GABRB2: variants seen among roughly 807,000 people sequenced by gnomAD.
GABRB2 encodes the protein gamma-aminobutyric acid receptor subunit beta-2.
GABRB2 carries 16 observed loss-of-function variants against 54.7 expected under a neutral mutation model. The observed-to-expected ratio is 0.29, with a 90% CI of 0.20 to 0.44. The LOEUF (loss-of-function observed/expected upper bound fraction) is 0.44, where lower values mean the gene tolerates loss of function less well. Ranked by LOEUF, GABRB2 falls within the 20% of genes least tolerant of loss-of-function variation. The pLI is 1.00. For missense variants in GABRB2, 355 were observed against 644.0 expected, an observed-to-expected ratio of 0.55 and a Z score of 4.86; for synonymous variants, 244 against 233.8, an observed-to-expected ratio of 1.04 and a Z score of -0.40.
chr5:161,345,712 C>G (rs1041425311), intron 5 of GABRB2, among the ~76,000 whole-genome samples: 2 of 152,062 alleles, frequency 1.3e-5, no homozygotes, highest in African/African-American at 4.8e-5. Flanking sequence ...CCACAGCACT[C>G]TAGTTGAATT....
chr5:161,331,956 G>A (rs1471528543), intron 7 of GABRB2, among the ~76,000 whole-genome samples: 1 of 151,910 alleles, frequency 6.6e-6, no homozygotes, highest in African/African-American at 2.4e-5. Flanking sequence ...ACGAGGTCAG[G>A]AGATCGAGAC....
intron 5 of GABRB2, among the ~76,000 whole-genome samples, chr5:161,406,885 G>C (rs957839913): frequency 1.3e-5 from 2 of 152,030 alleles, no homozygotes; most frequent in African/African-American, 4.8e-5. Flanking sequence ...TGCTGATAAA[G>C]TTTTATGTCT....
chr5:161,321,809 C>T (rs1401396401), intron 9 of GABRB2, among the ~76,000 whole-genome samples: 1 of 152,022 alleles, frequency 6.6e-6, no homozygotes, highest in Non-Finnish European at 1.5e-5. Context: ...GAGGAATATA[C>T]TAAGTAGTTA....
chr5:161,396,927 A>C (rs1240781915), intron 5 of GABRB2, among the ~76,000 whole-genome samples: 1 of 152,184 alleles, frequency 6.6e-6, no homozygotes, highest in Non-Finnish European at 1.5e-5. Flanking sequence ...CAGGAATGAC[A>C]TTATACCTGT....
intron 4 of GABRB2, among the ~76,000 whole-genome samples, chr5:161,436,774 C>T (rs1366932830): frequency 6.6e-6 from 1 of 152,160 alleles, no homozygotes; most frequent in African/African-American, 2.4e-5. Context: ...TAGCGCCACC[C>T]CCTCCCCATC....
intron 4 of GABRB2, among the ~76,000 whole-genome samples, chr5:161,455,414 C>T (rs73800516): frequency 0.049 from 7,456 of 152,044 alleles, 201 homozygotes; most frequent in Middle Eastern, 0.099. Flanking sequence ...TCTGTACACA[C>T]GAGAGATGGG....
At chr5:161,493,389 A>G (rs764952332) in intron 3 of GABRB2, among the ~76,000 whole-genome samples, 10 of 151,676 alleles carry the variant, frequency 6.6e-5, no homozygotes, top group Non-Finnish European at 1.2e-4. Flanking sequence ...TGAGAGAAAA[A>G]TCTTCTAATT....
intron 3 of GABRB2, among the ~76,000 whole-genome samples, chr5:161,529,994 T>G (rs1435436802): frequency 6.6e-6 from 1 of 152,000 alleles, no homozygotes; most frequent in Non-Finnish European, 1.5e-5. Flanking sequence ...GAATACACAT[T>G]CCTTAAGGAT....
chr5:161,335,536 T>G (rs1753967526), intron 6 of GABRB2, among the ~76,000 whole-genome samples: 1 of 152,164 alleles, frequency 6.6e-6, no homozygotes, highest in Non-Finnish European at 1.5e-5. Flanking sequence ...GTTCTTTGAT[T>G]GGATGACCTG....
chr5:161,305,048 C>T (rs1323714668), intron 9 of GABRB2, among the ~76,000 whole-genome samples: 5 of 131,710 alleles, frequency 3.8e-5, no homozygotes, highest in Middle Eastern at 6.6e-3. Context: ...CTCGCTCTGT[C>T]GCCCAGGCCG....
chr5:161,421,223 C>G (rs942133447), intron 4 of GABRB2, among the ~76,000 whole-genome samples: 3 of 152,120 alleles, frequency 2.0e-5, no homozygotes, highest in Non-Finnish European at 2.9e-5. Context: ...TAAGGACCAC[C>G]ACCTGTGAAA....
chr5:161,331,894 G>A (rs34941072), intron 7 of GABRB2, among the ~76,000 whole-genome samples: 2,310 of 152,068 alleles, frequency 0.015, 23 homozygotes, highest in Middle Eastern at 0.082. Flanking sequence ...GGCCGGGCGC[G>A]GTGGCTCACG....
chr5:161,347,295 G>C (rs1754345104), intron 5 of GABRB2, among the ~76,000 whole-genome samples: 1 of 152,052 alleles, frequency 6.6e-6, no homozygotes, highest in Non-Finnish European at 1.5e-5. Flanking sequence ...CAGAAATAAG[G>C]ATTGAACTCA....
chr5:161,349,900 A>G (rs560465954), intron 5 of GABRB2, among the ~76,000 whole-genome samples: 2 of 152,226 alleles, frequency 1.3e-5, no homozygotes, highest in Admixed American at 1.3e-4. Context: ...AGAATCCCCT[A>G]GCTAAGCCAA....
intron 8 of GABRB2, among the ~76,000 whole-genome samples, chr5:161,327,263 CACTT>C (rs1758394994): frequency 6.6e-6 from 1 of 152,158 alleles, no homozygotes; most frequent in Admixed American, 6.5e-5. Context: ...GTGAAAGTGA[CACTT>C]GCTTATAAAC....
At chr5:161,439,699 T>C (rs1382821228) in intron 4 of GABRB2, among the ~76,000 whole-genome samples, 1 of 152,200 alleles carries the variant, frequency 6.6e-6, no homozygotes, top group African/African-American at 2.4e-5. Flanking sequence ...GTTTTCTTTT[T>C]GCTTGTCTGC....
At chr5:161,451,910 A>T (rs1177383645) in intron 4 of GABRB2, among the ~76,000 whole-genome samples, 1 of 152,200 alleles carries the variant, frequency 6.6e-6, no homozygotes, top group Non-Finnish European at 1.5e-5. Context: ...TTTTATTTTC[A>T]TAAGAACTAT....
intron 9 of GABRB2, among the ~76,000 whole-genome samples, chr5:161,318,121 G>A (rs528000854): frequency 1.3e-4 from 19 of 151,930 alleles, no homozygotes; most frequent in African/African-American, 3.9e-4. Context: ...AAGTAACCAT[G>A]TGCTTTAAAA....
chr5:161,428,053 TA>T (rs1020422707), intron 4 of GABRB2, among the ~76,000 whole-genome samples: 4 of 152,200 alleles, frequency 2.6e-5, no homozygotes, highest in Non-Finnish European at 5.9e-5. Flanking sequence ...TTCAAAAGCA[TA>T]TTAGACTCTG....
Sources: allele counts gnomAD v4.1 joint callset (sites outside exome capture counted in the v4.1 genomes callset), GRCh38; gene constraint gnomAD v4.1.1; transcripts MANE v1.5; gene names NCBI Gene and HGNC (gene_info 2026-07-23, HGNC 2026-07-21).